MGST2: variants seen among roughly 807,000 people sequenced by gnomAD.
MGST2 encodes the protein microsomal glutathione S-transferase 2.
Under a neutral mutation model 16.6 loss-of-function variants are expected in MGST2, and 9 were observed. The observed-to-expected ratio is 0.54, with a 90% CI of 0.33 to 0.95. The LOEUF is 0.95. Ranked by LOEUF, MGST2 falls within the 40% of genes least tolerant of loss-of-function variation. MGST2 has a pLI of 0.03. For missense variants in MGST2, 159 were observed against 175.1 expected, an observed-to-expected ratio of 0.91 and a Z score of 0.52; for synonymous variants, 79 against 68.0, an observed-to-expected ratio of 1.16 and a Z score of -0.79.
chr4:139,666,208 A>G lies in MGST2; in HGVS notation c.58+131A>G. On this transcript the variant is annotated intron_variant, in intron 1 of 4. Transcript: ENST00000265498. ...TTGTTTCCTACTTGCCCTTGCAGGT[A>G]GCTCTGGGTCCTCAGAGCACAGTCG... 3 of 940,562 alleles carry G rather than the reference A, an allele frequency of 3.2e-6. No homozygotes were observed. In the Admixed American group the frequency reaches 5.9e-5, roughly 19 times the overall value. The allele number at this position is 940,562 out of a possible 1,614,324, so 58.3% of individuals were successfully genotyped here.
chr4:139,678,828 C>T (rs1731095259), intron 2 of MGST2, 186 bp downstream of exon 2: 1 of 638,292 alleles, frequency 1.6e-6, no homozygotes, highest in African/African-American at 1.8e-5. Flanking sequence ...GGCATGAAGT[C>T]TCTGCCCACA....
At chr4:139,686,171 G>A (rs1456727914) in intron 2 of MGST2, among the ~76,000 whole-genome samples, 1 of 152,178 alleles carries the variant, frequency 6.6e-6, no homozygotes, top group African/African-American at 2.4e-5. Context: ...TGGGGTGGGA[G>A]CAGGGGGCTT....
At chr4:139,740,573 C>T (rs114728151) in exon 6 of MGST2, 10,064 of 152,196 alleles carry the variant, frequency 0.066, 618 homozygotes, top group Admixed American at 0.19. Flanking sequence ...TCCCCCAACC[C>T]GAGCCTTTCT....
intron 2 of MGST2, among the ~76,000 whole-genome samples, chr4:139,692,083 A>G (rs1044297203): frequency 6.6e-6 from 1 of 152,164 alleles, no homozygotes; most frequent in African/African-American, 2.4e-5. Context: ...CAGGTCAGCA[A>G]AAGAGGGACC....
At chr4:139,730,640 T>A (rs759264751) in intron 5 of MGST2, 1 of 1,612,954 alleles carries the variant, frequency 6.2e-7, no homozygotes, top group South Asian at 1.1e-5. Context: ...GGGCCTGTGG[T>A]TCGGGGAAGT....
downstream of MGST2, among the ~76,000 whole-genome samples, chr4:139,745,603 C>A (rs1729294902): frequency 6.6e-6 from 1 of 152,310 alleles, no homozygotes; most frequent in South Asian, 2.1e-4. Context: ...CACCTCCTCC[C>A]ACTCATTTCT....
intron 5 of MGST2, among the ~76,000 whole-genome samples, chr4:139,734,404 C>A (rs1728845167): frequency 6.6e-6 from 1 of 152,176 alleles, no homozygotes; most frequent in African/African-American, 2.4e-5. Flanking sequence ...ACTCCTTGCC[C>A]AACGACCTCC....
chr4:139,717,107 T>G (rs1349747384), intron 5 of MGST2: 1 of 152,502 alleles, frequency 6.6e-6, no homozygotes, highest in Non-Finnish European at 1.5e-5. Flanking sequence ...TTGTAAAAAC[T>G]TATGTACAAA....
downstream of MGST2, among the ~76,000 whole-genome samples, chr4:139,743,252 A>G (rs185681899): frequency 6.6e-6 from 1 of 152,356 alleles, no homozygotes; most frequent in East Asian, 1.9e-4. Context: ...GGATAACAGC[A>G]GAACAGGAGG....
chr4:139,729,832 G>A (rs1300579416), intron 5 of MGST2, among the ~76,000 whole-genome samples: 1 of 152,204 alleles, frequency 6.6e-6, no homozygotes, highest in African/African-American at 2.4e-5. Context: ...TTAACTCACA[G>A]ATTTCCTGAG....
downstream of MGST2, among the ~76,000 whole-genome samples, chr4:139,706,740 G>A (rs968178610): frequency 2.0e-5 from 3 of 152,092 alleles, no homozygotes; most frequent in Admixed American, 2.0e-4. Flanking sequence ...GGGTGTAGCA[G>A]ACTATCAAGG....
At chr4:139,677,461 C>T (rs752989506) in intron 1 of MGST2, among the ~76,000 whole-genome samples, 1 of 151,610 alleles carries the variant, frequency 6.6e-6, no homozygotes, top group Non-Finnish European at 1.5e-5. Context: ...CCTTGATAAG[C>T]CTTTCACTGA....
chr4:139,746,285 C>G, the MGST2 span, among the ~76,000 whole-genome samples: 1 of 152,162 alleles, frequency 6.6e-6, no homozygotes, highest in Non-Finnish European at 1.5e-5. Flanking sequence ...AGAATAATTT[C>G]TAACAAAATA....
At chr4:139,681,395 A>G (rs1410932229) in intron 2 of MGST2, among the ~76,000 whole-genome samples, 1 of 152,070 alleles carries the variant, frequency 6.6e-6, no homozygotes, top group East Asian at 1.9e-4. Context: ...CTTAAAACGC[A>G]TACTAGTTGT....
At chr4:139,695,813 T>G (rs1259569129) in intron 3 of MGST2, among the ~76,000 whole-genome samples, 2 of 152,192 alleles carry the variant, frequency 1.3e-5, no homozygotes, top group Non-Finnish European at 2.9e-5. Flanking sequence ...GAGAACGACA[T>G]GAGCTTTGTC....
chr4:139,744,861 C>T (rs540374726), downstream of MGST2, among the ~76,000 whole-genome samples: 4 of 152,262 alleles, frequency 2.6e-5, no homozygotes, highest in East Asian at 7.7e-4. Context: ...TGACCAGACC[C>T]GGGATGGGCA....
chr4:139,692,592 T>C (rs980350570), intron 2 of MGST2, among the ~76,000 whole-genome samples: 2 of 152,198 alleles, frequency 1.3e-5, no homozygotes, highest in African/African-American at 2.4e-5. Context: ...TGGCACCACT[T>C]GTATCTGGAA....
intron 2 of MGST2, among the ~76,000 whole-genome samples, chr4:139,680,029 ATTACTACTTT>A (rs1731155375): frequency 1.3e-5 from 2 of 152,056 alleles, no homozygotes; most frequent in Non-Finnish European, 2.9e-5. Flanking sequence ...ACCCTTTTTG[ATTACTACTTT>A]GGGTATTTAC....
chr4:139,732,889 G>A (rs1011752429), intron 5 of MGST2, among the ~76,000 whole-genome samples: 1 of 152,042 alleles, frequency 6.6e-6, no homozygotes, highest in African/African-American at 2.4e-5. Flanking sequence ...TTTTGCCTTT[G>A]TGTATTTTCT....
Sources: allele counts gnomAD v4.1 joint callset (sites outside exome capture counted in the v4.1 genomes callset), GRCh38; gene constraint gnomAD v4.1.1; transcripts MANE v1.5; gene names NCBI Gene and HGNC (gene_info 2026-07-23, HGNC 2026-07-21).